The following KANK3 variants were observed in gnomAD, a reference collection of about 807,000 sequenced individuals.
KANK3 encodes the protein KN motif and ankyrin repeat domains 3.
KANK3 carries 61 observed loss-of-function variants against 65.4 expected under a neutral mutation model. The observed-to-expected ratio is 0.93, with a 90% CI of 0.76 to 1.15. KANK3 has a LOEUF of 1.15. Among genes scored for constraint, KANK3 ranks in the 50% most tolerant of loss-of-function variants. The probability of loss-of-function intolerance (pLI) is 0.00; values close to 1 mark genes in which losing one functional copy is unlikely to be tolerated. For synonymous variants in KANK3, 586 were observed against 543.3 expected (o/e 1.08, Z -1.09); for missense variants, 1,187 against 1,178.8 (o/e 1.01, Z -0.10).
chr19:8,327,955 TCTTGCAGCTAC>T (rs1252555984), intron 7 of KANK3, among the ~76,000 whole-genome samples: 2 of 152,174 alleles, frequency 1.3e-5, no homozygotes, highest in African/African-American at 4.8e-5. Context: ...CTCCCTTTTC[TCTTGCAGCTAC>T]CTTGACCTTG....
chr19:8,331,610 C>A (rs1448054890), intron 7 of KANK3, among the ~76,000 whole-genome samples: 2 of 152,100 alleles, frequency 1.3e-5, no homozygotes, highest in African/African-American at 4.8e-5. Context: ...CCCACCAGAC[C>A]CTTTGTGCCC....
At position 8,335,805 on chromosome 19, in the gene KANK3, CG is replaced by C; in HGVS notation, c.35-14del. 8.1e-7 allele frequency: 1 copy of C among 1,229,206 alleles called. No individual in the cohort carries two copies. 76.1% of individuals were successfully genotyped at this position (1,229,206 alleles called of 1,614,324 possible). A position where few individuals can be genotyped will look rare whatever the true frequency, so the allele number is the denominator to read the frequency against. On this transcript the variant is annotated splice_polypyrimidine_tract_variant and intron_variant, in intron 2 of 10. Transcript: ENST00000330915. ...GGGCCGCCCAGGTCTGGAGGCACGA[CG>C]GGGGCACGGGGAGGGCGCATCAGAA...
chr19:8,336,440 A>AAT, intron 2 of KANK3, among the ~76,000 whole-genome samples: 1 of 150,958 alleles, frequency 6.6e-6, no homozygotes. Flanking sequence ...TCTCAAAAAA[A>AAT]AAAAAAAGTA....
At position 8,333,045 on chromosome 19, in the gene KANK3, G is replaced by C. The variant is rs780508762; in HGVS notation, c.1905C>G (p.Asn635Lys). The change falls in exon 7 of 11, where the codon AAC (asparagine) becomes AAG (lysine). Residue 635 changes from asparagine (N) to lysine (K), a missense_variant. Asn to Lys is a moderately conservative substitution (Grantham distance 94). Transcript: ENST00000330915. The surrounding 1 kb of genome is among the most constrained non-coding windows in gnomAD (Gnocchi z 5.0). ...CCAGGAGCAGGCTTGCGATGGCCAG[G>C]TTCCCGTGGGACACACTGTAGTGCA... is the stretch of plus-strand genomic sequence containing the variant. ...TALHYSVSHG[N>K]LAIASLLLDT... 6.6e-7 allele frequency: 1 copy of C among 1,512,598 alleles called. No individual in the cohort carries two copies. The highest frequency in any genetic ancestry group is 9.0e-7 in the Non-Finnish European group (1 of 1,115,746). 93.7% of individuals were successfully genotyped at this position (1,512,598 alleles called of 1,614,324 possible). A position where few individuals can be genotyped will look rare whatever the true frequency, so the allele number is the denominator to read the frequency against.
chr19:8,333,209 G>T lies in KANK3; in HGVS notation c.1741C>A (p.Gln581Lys). ...SDGGAVRLVA[Q>K]EWFRVSSQRR... ...TGGCTGGACACTCGAAACCACTCCTGGGCCACGAGGCGCACTGCGCCCTGC... is the reference window on the plus strand; with the variant it reads ...TGGCTGGACACTCGAAACCACTCCTTGGCCACGAGGCGCACTGCGCCCTGC... Residue 581 changes from glutamine to lysine, a missense_variant, in exon 7 of 11, where the codon CAG (glutamine) becomes AAG (lysine). Gln to Lys is a moderately conservative substitution (Grantham distance 53, BLOSUM62 1). This residue lies in a region of KANK3 where 1,078 missense variants were observed against 1,038.2 expected (regional missense o/e 1.04). Coordinates refer to ENST00000330915, the MANE Select transcript of KANK3 (RefSeq NM_198471.3). The surrounding 1 kb of genome is among the most constrained non-coding windows in gnomAD (Gnocchi z 5.0). 6.2e-7 allele frequency: 1 copy of T among 1,611,688 alleles called. No individual in the cohort carries two copies. The highest frequency in any genetic ancestry group is 1.1e-5 in the South Asian group (1 of 90,976).
At chr19:8,324,058 C>A (rs1376886855) in intron 10 of KANK3, among the ~76,000 whole-genome samples, 5 of 152,146 alleles carry the variant, frequency 3.3e-5, no homozygotes, top group African/African-American at 1.2e-4. Flanking sequence ...AGGTTACTTC[C>A]CCCCTTGAGG....
chr19:8,338,289 T>C (rs1205789221), intron 1 of KANK3, among the ~76,000 whole-genome samples: 1 of 151,926 alleles, frequency 6.6e-6, no homozygotes, highest in Non-Finnish European at 1.5e-5. Context: ...CCCAAAGTAC[T>C]GGGATTATAG....
Position 8,335,064 on chromosome 19 carries a change from C to A in KANK3, c.763G>T (p.Ala255Ser). 1 of 1,331,004 alleles carries A rather than the reference C, an allele frequency of 7.5e-7. No individual in the cohort carries two copies. Among genetic ancestry groups the A allele is most frequent in the South Asian group, 1.9e-5 (1 of 51,384 alleles). The allele number at this position is 1,331,004 out of a possible 1,614,324, so 82.4% of individuals were successfully genotyped here. A position where few individuals can be genotyped will look rare whatever the true frequency, so the allele number is the denominator to read the frequency against. The change falls in exon 3 of 11, where the codon GCC (alanine) becomes TCC (serine). Residue 255 changes from alanine to serine, a missense_variant. Ala to Ser is a moderately conservative substitution (Grantham distance 99, BLOSUM62 1). Transcript: ENST00000330915. ...AQLRRLTERL[A>S]TSERGGRARA... is the part of the protein sequence containing the mutation. ...GCACGGCCGCCGCGCTCGGAGGTGG[C>A]CAGGCGCTCGGTGAGCCGCCGCAGC...
intron 7 of KANK3, among the ~76,000 whole-genome samples, chr19:8,330,571 A>G (rs567097472): frequency 3.3e-5 from 5 of 152,114 alleles, no homozygotes; most frequent in African/African-American, 7.2e-5. Context: ...TGTACTAAAA[A>G]TACAAAATTA....
intron 2 of KANK3, among the ~76,000 whole-genome samples, chr19:8,337,188 A>G (rs1350802537): frequency 1.4e-5 from 2 of 139,330 alleles, no homozygotes; most frequent in African/African-American, 5.4e-5. Context: ...ACGCGCCACC[A>G]TGCCTGGCTA....
At position 8,333,457 on chromosome 19, in the gene KANK3, GAAGAAT is replaced by G. The variant is rs1004868576; in HGVS notation, c.1720-233_1720-228del. On this transcript the variant is annotated intron_variant, in intron 6 of 10. Transcript: ENST00000330915. The surrounding 1 kb of genome is among the most constrained non-coding windows in gnomAD (Gnocchi z 5.0). ...GGGAAGGGGGTCCTTTCCTTCCAGG[GAAGAAT>G]TTGCGGGAGAACATGGAACGGGGAA... Among the ~76,000 whole-genome samples, 1 of 152,186 alleles carries G rather than the reference GAAGAAT, an allele frequency of 6.6e-6. No individual in the cohort carries two copies. The highest frequency in any genetic ancestry group is 2.4e-5 in the African/African-American group (1 of 41,446).
At chr19:8,336,915 G>T (rs879358854) in intron 2 of KANK3, among the ~76,000 whole-genome samples, 2 of 152,090 alleles carry the variant, frequency 1.3e-5, no homozygotes, top group Admixed American at 6.6e-5. Context: ...AGTAAAGAAG[G>T]CAGGGGGAAG....
Position 8,334,992 on chromosome 19 carries a change from G to A in KANK3, c.835C>T (p.Arg279Cys). 6.7e-7 allele frequency: 1 copy of A among 1,486,618 alleles called. No homozygotes were observed. The highest frequency in any genetic ancestry group is 8.9e-7 in the Non-Finnish European group (1 of 1,128,282). The allele number at this position is 1,486,618 out of a possible 1,614,324, so 92.1% of individuals were successfully genotyped here. The change falls in exon 3 of 11, where the codon CGC becomes TGC. Residue 279 changes from arginine to cysteine, a missense_variant. Transcript: ENST00000330915. Reference sequence around the variant, plus strand: ...AGGACCTGGAGCGCGCCCTCGCTGCGCCCTGCAGCCAGGCCGTCTGGGCTG... The same window carrying A: ...AGGACCTGGAGCGCGCCCTCGCTGCACCCTGCAGCCAGGCCGTCTGGGCTG... ...ADSPDGLAAG[R>C]SEGALQVLDG...
chr19:8,334,450 C>G (rs1228355880), intron 3 of KANK3, 31 bp from the exon 4 acceptor site: 18 of 1,611,698 alleles, frequency 1.1e-5, no homozygotes, highest in Non-Finnish European at 1.4e-5. Flanking sequence ...GCACTGAGTT[C>G]GAGTCCGGCG....
chr19:8,337,329 G>A (rs367709087), intron 2 of KANK3, among the ~76,000 whole-genome samples: 11 of 148,362 alleles, frequency 7.4e-5, no homozygotes, highest in East Asian at 2.0e-4. Flanking sequence ...TCAGCCTCCC[G>A]AGTAGCTGGG....
intron 1 of KANK3, among the ~76,000 whole-genome samples, chr19:8,339,277 C>T (rs1292455375): frequency 1.3e-5 from 2 of 152,086 alleles, no homozygotes; most frequent in African/African-American, 4.8e-5. Context: ...AATCTCAGCA[C>T]TCTGGGAAGC....
In KANK3 at chr19:8,334,992, G is replaced by T; in HGVS notation, c.835C>A (p.Arg279Ser). Residue 279 changes from arginine to serine, a missense_variant, in exon 3 of 11, where the codon CGC (arginine) becomes AGC (serine). Around this residue, in one of 3 missense-constraint regions of KANK3, gnomAD observed 1,078 missense variants for 1,038.2 expected, o/e 1.04. Coordinates refer to ENST00000330915, the MANE Select transcript of KANK3 (RefSeq NM_198471.3). ...AGGACCTGGAGCGCGCCCTCGCTGC[G>T]CCCTGCAGCCAGGCCGTCTGGGCTG... ...ADSPDGLAAG[R>S]SEGALQVLDG... The T allele has an allele frequency of 4.0e-6, 6 of 1,486,618 alleles. No individual in the cohort carries two copies. The South Asian group carries it at 6.3e-5, about 16-fold the overall frequency. 92.1% of individuals were successfully genotyped at this position (1,486,618 alleles called of 1,614,324 possible).
chr19:8,340,562 G>C (rs1970711672), intron 1 of KANK3, among the ~76,000 whole-genome samples: 1 of 152,078 alleles, frequency 6.6e-6, no homozygotes, highest in South Asian at 2.1e-4. Context: ...CCTGGGCCAC[G>C]GCCCGTCTGT....
In KANK3 at chr19:8,334,524, C is replaced by G. The variant is rs200912318; in HGVS notation, c.1303G>C (p.Gly435Arg). 2 of 1,603,956 alleles carry G rather than the reference C, an allele frequency of 1.2e-6. No individual in the cohort carries two copies. The highest frequency in any genetic ancestry group is 1.7e-6 in the Non-Finnish European group (2 of 1,179,572). Residue 435 changes from glycine to arginine, a missense_variant, in exon 3 of 11, where the codon GGA becomes CGA. Around this residue, in one of 3 missense-constraint regions of KANK3, gnomAD observed 1,078 missense variants for 1,038.2 expected, o/e 1.04. Transcript: ENST00000330915. ...TQESSPGSMD[G>R]DRAVAPAGIL... ...CCCGCGGGCGCCACGGCCCTGTCTCCGTCCATGGATCCGGGCGAGCTCTCC... is the reference window on the plus strand; with the variant it reads ...CCCGCGGGCGCCACGGCCCTGTCTCGGTCCATGGATCCGGGCGAGCTCTCC...
Sources: gnomAD v4.1 joint callset for allele counts (sites outside exome capture counted in the v4.1 genomes callset) on GRCh38, gnomAD v4.1.1 for gene constraint, gnomAD v4.1.1 regional missense constraint, Gnocchi (gnomAD v3.1) non-coding constraint, MANE v1.5 for transcripts, NCBI Gene and HGNC (gene_info 2026-07-23, HGNC 2026-07-21) for gene names.